Variants in RBKS observed in about 807,000 individuals in gnomAD.
The protein encoded by RBKS is ribokinase.
RBKS carries 33 observed loss-of-function variants against 33.9 expected under a neutral mutation model. That is an observed-to-expected ratio of 0.97 (90% CI 0.74 to 1.30). The LOEUF (loss-of-function observed/expected upper bound fraction) is 1.30, where lower values mean the gene tolerates loss of function less well. Among genes scored for constraint, RBKS ranks in the 50% most tolerant of loss-of-function variants. RBKS has a pLI of 0.00. For missense variants in RBKS, 361 were observed against 392.6 expected, an observed-to-expected ratio of 0.92 and a Z score of 0.68; for synonymous variants, 125 against 143.0, an observed-to-expected ratio of 0.87 and a Z score of 0.90.
chr2:27,842,974 A>G (rs1663541573), intron 5 of RBKS, 93 bp downstream of exon 5: 2 of 893,728 alleles, frequency 2.2e-6, no homozygotes, highest in Middle Eastern at 3.0e-4. Flanking sequence ...TTTACGACAG[A>G]AAGAGTATTG....
At chr2:27,787,412 G>A (rs748776638) in intron 7 of RBKS, among the ~76,000 whole-genome samples, 44 of 152,110 alleles carry the variant, frequency 2.9e-4, no homozygotes, top group Admixed American at 5.2e-4. Context: ...CAGCCTGGGC[G>A]AAAGAGTGAG....
At chr2:27,866,120 T>C (rs1308604285) in intron 1 of RBKS, among the ~76,000 whole-genome samples, 1 of 152,194 alleles carries the variant, frequency 6.6e-6, no homozygotes. Context: ...TTTCTGGTGA[T>C]AAATTCTTTT....
chr2:27,865,098 A>T (rs1664066794), intron 1 of RBKS, among the ~76,000 whole-genome samples: 1 of 152,196 alleles, frequency 6.6e-6, no homozygotes, highest in African/African-American at 2.4e-5. Context: ...AGGTGGGCAG[A>T]TCACGAGGTC....
At chr2:27,836,972 C>T (rs775910237) in intron 5 of RBKS, among the ~76,000 whole-genome samples, 3 of 150,672 alleles carry the variant, frequency 2.0e-5, no homozygotes, top group Admixed American at 2.0e-4. Flanking sequence ...GTCAAAACAG[C>T]TATTATTAAA....
intron 7 of RBKS, among the ~76,000 whole-genome samples, chr2:27,815,790 C>T (rs991153096): frequency 5.3e-5 from 8 of 152,210 alleles, no homozygotes; most frequent in Admixed American, 1.3e-4. Flanking sequence ...TAACCTTATA[C>T]AATGCCCTCT....
chr2:27,812,803 A>G (rs1471598833), intron 7 of RBKS, among the ~76,000 whole-genome samples: 3 of 152,102 alleles, frequency 2.0e-5, no homozygotes, highest in Admixed American at 6.5e-5. Context: ...ACATGTATAC[A>G]TACGTAACAA....
chr2:27,825,969 T>C (rs1678303277), intron 7 of RBKS, among the ~76,000 whole-genome samples: 1 of 152,218 alleles, frequency 6.6e-6, no homozygotes, highest in South Asian at 2.1e-4. Context: ...GTGAAAGTAG[T>C]GTTAGTCTAA....
intron 2 of RBKS, among the ~76,000 whole-genome samples, chr2:27,851,804 G>T (rs1663751444): frequency 6.6e-6 from 1 of 152,162 alleles, no homozygotes; most frequent in African/African-American, 2.4e-5. Context: ...CTCCCAAAGT[G>T]CTGGGATTAC....
chr2:27,843,254 A>G, intron 4 of RBKS, 23 bp from the exon 5 acceptor site: 1 of 1,572,260 alleles, frequency 6.4e-7, no homozygotes, highest in Non-Finnish European at 8.7e-7. Context: ...TCCACCTATT[A>G]TATTAAAACT....
intron 7 of RBKS, among the ~76,000 whole-genome samples, chr2:27,818,596 C>T (rs1678142023): frequency 6.6e-6 from 1 of 152,176 alleles, no homozygotes; most frequent in South Asian, 2.1e-4. Context: ...TTGCCTCCTC[C>T]CTCAAACAGT....
chr2:27,802,020 T>TAGAG (rs1166883992), intron 7 of RBKS, among the ~76,000 whole-genome samples: 2 of 109,380 alleles, frequency 1.8e-5, no homozygotes, highest in African/African-American at 6.7e-5. Context: ...TTTTTTTTTT[T>TAGAG]AGAGAGAGAG....
intron 7 of RBKS, among the ~76,000 whole-genome samples, chr2:27,789,917 T>TTG (rs1189622850): frequency 9.5e-6 from 1 of 105,618 alleles, no homozygotes; most frequent in Non-Finnish European, 1.8e-5. Flanking sequence ...GTGTGTGTGT[T>TTG]TGTGTGTGTA....
chr2:27,884,430 G>A (rs1048104197), intron 1 of RBKS, among the ~76,000 whole-genome samples: 3 of 151,998 alleles, frequency 2.0e-5, no homozygotes, highest in East Asian at 1.9e-4. Context: ...TATTTTTTGC[G>A]GAGACCGGGT....
At chr2:27,807,709 T>C (rs931576163) in intron 7 of RBKS, among the ~76,000 whole-genome samples, 21 of 152,114 alleles carry the variant, frequency 1.4e-4, no homozygotes, top group African/African-American at 3.9e-4. Context: ...GTGTGGAAGA[T>C]GAGGGGGAAA....
In RBKS at chr2:27,861,663, T is replaced by TTGG. The variant is rs1553380057; in HGVS notation, c.90-3093_90-3092insCCA. On this transcript the variant is annotated intron_variant, in intron 1 of 7. Coordinates refer to ENST00000302188, the MANE Select transcript of RBKS (RefSeq NM_022128.3). ...GAGATTAGTATGTTCCATTTCTTTT[T>TTGG]GGGGGGGGGGTGGAGTCTCACTTTG... 1.3e-4 allele frequency: 41 copies of TTGG among 313,220 alleles called. No homozygotes were observed. The East Asian group carries it at 2.0e-3, about 15-fold the overall frequency. 19.4% of individuals were successfully genotyped at this position (313,220 alleles called of 1,614,324 possible). A position where few individuals can be genotyped will look rare whatever the true frequency, so the allele number is the denominator to read the frequency against.
chr2:27,827,802 C>CT, intron 6 of RBKS, 47 bp from the exon 7 acceptor site: 1 of 1,438,726 alleles, frequency 7.0e-7, no homozygotes, highest in Non-Finnish European at 9.2e-7. Context: ...AATAAGTAAC[C>CT]TGAATCCACT....
intron 2 of RBKS, among the ~76,000 whole-genome samples, chr2:27,849,559 C>CACAAAA (rs1663691742): frequency 3.5e-5 from 1 of 28,598 alleles, no homozygotes; most frequent in Non-Finnish European, 7.3e-5. Context: ...GACTCTGTCT[C>CACAAAA]AAAAAAAAAA....
At chr2:27,826,558 A>G (rs983224046) in intron 7 of RBKS, among the ~76,000 whole-genome samples, 1 of 151,936 alleles carries the variant, frequency 6.6e-6, no homozygotes, top group Non-Finnish European at 1.5e-5. Flanking sequence ...ACAGGTGTGC[A>G]CCACCATGCC....
chr2:27,817,884 G>T (rs1558540544), intron 7 of RBKS, among the ~76,000 whole-genome samples: 1 of 152,196 alleles, frequency 6.6e-6, no homozygotes, highest in South Asian at 2.1e-4. Flanking sequence ...GAATAGCATG[G>T]CGAAAAGTGC....
Sources: gnomAD v4.1 joint callset for allele counts (sites outside exome capture counted in the v4.1 genomes callset) on GRCh38, gnomAD v4.1.1 for gene constraint, MANE v1.5 for transcripts, NCBI Gene and HGNC (gene_info 2026-07-23, HGNC 2026-07-21) for gene names.